TRAPPC9: variants seen among roughly 807,000 people sequenced by gnomAD.
The protein encoded by TRAPPC9 is trafficking protein particle complex subunit 9.
In TRAPPC9, 83 loss-of-function variants were observed where a neutral mutation model predicts 124.0. That is an observed-to-expected ratio of 0.67 (90% CI 0.56 to 0.80). The LOEUF (loss-of-function observed/expected upper bound fraction) is 0.80. TRAPPC9 is among the 30% of genes least tolerant of loss of function. The probability of loss-of-function intolerance (pLI) is 0.00; values close to 1 mark genes in which losing one functional copy is unlikely to be tolerated. For synonymous variants in TRAPPC9, 638 were observed against 617.5 expected (o/e 1.03, Z -0.49); for missense variants, 1,302 against 1,508.3 (o/e 0.86, Z 2.27).
chr8:139,798,655 C>T (rs1482291211), intron 21 of TRAPPC9, among the ~76,000 whole-genome samples: 1 of 152,140 alleles, frequency 6.6e-6, no homozygotes, highest in African/African-American at 2.4e-5. Context: ...AATACGGTCC[C>T]CTGGGGAAGA....
At chr8:139,868,435 A>T (rs1225998927) in intron 21 of TRAPPC9, among the ~76,000 whole-genome samples, 1 of 152,242 alleles carries the variant, frequency 6.6e-6, no homozygotes, top group African/African-American at 2.4e-5. Flanking sequence ...AAGTTTGTGC[A>T]TGATATTATT....
At chr8:140,396,888 T>C (rs2069111909) in intron 7 of TRAPPC9, among the ~76,000 whole-genome samples, 1 of 152,112 alleles carries the variant, frequency 6.6e-6, no homozygotes, top group Admixed American at 6.5e-5. Context: ...AATGTCTGCC[T>C]TTCCCACAAA....
At chr8:140,195,782 C>T (rs2062641386) in intron 17 of TRAPPC9, among the ~76,000 whole-genome samples, 1 of 151,872 alleles carries the variant, frequency 6.6e-6, no homozygotes, top group Non-Finnish European at 1.5e-5. Context: ...CACTAAAACA[C>T]ATTGAACAAT....
chr8:140,422,837 A>C (rs1465010513), intron 5 of TRAPPC9, among the ~76,000 whole-genome samples: 1 of 152,118 alleles, frequency 6.6e-6, no homozygotes, highest in Non-Finnish European at 1.5e-5. Context: ...CTATCTAAAT[A>C]GATATTTTTT....
intron 17 of TRAPPC9, among the ~76,000 whole-genome samples, chr8:140,056,264 G>T (rs917400836): frequency 1.9e-4 from 29 of 151,640 alleles, no homozygotes; most frequent in African/African-American, 7.0e-4. Flanking sequence ...AAAAAAAATT[G>T]CCAGGTGTAG....
chr8:139,988,794 G>C lies in TRAPPC9; in HGVS notation c.2742C>G (p.Thr914=), dbSNP rs28710457. The change falls in exon 19 of 23, where the codon ACC becomes ACG. Residue 914 remains threonine (T), a synonymous_variant. Transcript: ENST00000438773. ...TGGTGCTGACGGTCAGCTCATGCTC[G>C]GTGGAGTTGAAGACATCCAGGAGCA... ...CHLLLDVFNS[T]EHELTVSTRS... 1.3e-6 allele frequency: 2 copies of C among 1,551,372 alleles called. No individual in the cohort carries two copies. Among genetic ancestry groups the C allele is most frequent in the Non-Finnish European group, 1.7e-6 (2 of 1,146,954 alleles).
intron 9 of TRAPPC9, among the ~76,000 whole-genome samples, chr8:140,329,927 A>T (rs907982816): frequency 6.6e-6 from 1 of 152,062 alleles, no homozygotes; most frequent in Non-Finnish European, 1.5e-5. Context: ...AAAAAATACA[A>T]AAATTACCCA....
chr8:140,349,758 C>T (rs1448632452), intron 9 of TRAPPC9, among the ~76,000 whole-genome samples: 1 of 152,182 alleles, frequency 6.6e-6, no homozygotes, highest in Non-Finnish European at 1.5e-5. Context: ...CCAGCAGTGC[C>T]CCTTAAAGCA....
Position 139,732,087 on chromosome 8 carries a change from G to T in TRAPPC9, c.3171C>A (p.Pro1057=). ...GGAAGGGGACCACAGTGAGGGCGAA[G>T]GGCCCTACGCTGCGCGGGCTCCGGT... ...LTNRSPRSVG[P]FALTVVPFQD... Residue 1057 remains proline, a synonymous_variant, in exon 22 of 23, where the codon CCC becomes CCA. Transcript: ENST00000438773. 1 of 1,606,410 alleles carries T rather than the reference G, an allele frequency of 6.2e-7. No homozygotes were observed.
intron 19 of TRAPPC9, among the ~76,000 whole-genome samples, chr8:139,965,426 C>A (rs545271998): frequency 2.6e-5 from 4 of 152,350 alleles, no homozygotes; most frequent in African/African-American, 9.6e-5. Flanking sequence ...TTTGAACAGA[C>A]TGAAGTCTGC....
At chr8:139,844,856 A>G (rs1385816772) in intron 21 of TRAPPC9, among the ~76,000 whole-genome samples, 1 of 152,240 alleles carries the variant, frequency 6.6e-6, no homozygotes, top group Non-Finnish European at 1.5e-5. Flanking sequence ...CGGGGCCCCC[A>G]GCTGGCTGCG....
chr8:139,975,346 A>T (rs1337269819), intron 19 of TRAPPC9, among the ~76,000 whole-genome samples: 2 of 152,182 alleles, frequency 1.3e-5, no homozygotes, highest in Admixed American at 1.3e-4. Context: ...CTTAAACTAC[A>T]GATCGCTGGG....
At chr8:139,991,128 C>A (rs1450930547) in intron 18 of TRAPPC9, among the ~76,000 whole-genome samples, 1 of 152,186 alleles carries the variant, frequency 6.6e-6, no homozygotes, top group Non-Finnish European at 1.5e-5. Flanking sequence ...TTCATGAAAT[C>A]TTTAATCACA....
At chr8:140,287,557 A>C in intron 13 of TRAPPC9, 51 bp downstream of exon 13, 1 of 1,612,506 alleles carries the variant, frequency 6.2e-7, no homozygotes. Flanking sequence ...GAGGCCATGC[A>C]AGGGTTCAGC....
At chr8:140,302,355 C>T (rs1480028626) in intron 10 of TRAPPC9, among the ~76,000 whole-genome samples, 7 of 152,238 alleles carry the variant, frequency 4.6e-5, no homozygotes, top group Non-Finnish European at 1.0e-4. Flanking sequence ...CATAGCGGAT[C>T]AGAACCATTT....
At chr8:140,175,124 A>G (rs2062036502) in intron 17 of TRAPPC9, among the ~76,000 whole-genome samples, 1 of 151,892 alleles carries the variant, frequency 6.6e-6, no homozygotes, top group African/African-American at 2.4e-5. Context: ...AAATCTCAGA[A>G]TCTATTCAAT....
chr8:140,196,879 A>G (rs2062683929), intron 17 of TRAPPC9, among the ~76,000 whole-genome samples: 1 of 152,240 alleles, frequency 6.6e-6, no homozygotes, highest in African/African-American at 2.4e-5. Context: ...CACACCTGTG[A>G]TACTAAAACA....
intron 19 of TRAPPC9, among the ~76,000 whole-genome samples, chr8:139,979,013 C>G (rs927208512): frequency 1.3e-4 from 17 of 132,546 alleles, no homozygotes; most frequent in African/African-American, 4.6e-4. Flanking sequence ...GGGCTCCCAT[C>G]CCCAGGAGGG....
At chr8:140,229,529 A>G (rs968711136) in intron 16 of TRAPPC9, among the ~76,000 whole-genome samples, 1 of 151,074 alleles carries the variant, frequency 6.6e-6, no homozygotes, top group Non-Finnish European at 1.5e-5. Flanking sequence ...CGGCCTCCCA[A>G]AGTGCTGGAA....
Sources: allele counts gnomAD v4.1 joint callset (sites outside exome capture counted in the v4.1 genomes callset), GRCh38; gene constraint gnomAD v4.1.1; transcripts MANE v1.5; gene names NCBI Gene and HGNC (gene_info 2026-07-23, HGNC 2026-07-21).